The following SPATA17 variants were observed in gnomAD, a reference collection of about 807,000 sequenced individuals.
The protein encoded by SPATA17 is spermatogenesis associated 17.
A neutral mutation model predicts 62.2 loss-of-function variants in SPATA17; 53 were observed. The ratio of observed to expected loss-of-function variants is 0.85; its 90% confidence interval spans 0.68 to 1.07. The LOEUF (loss-of-function observed/expected upper bound fraction) is 1.07, where lower values mean the gene tolerates loss of function less well. Ranked by LOEUF, SPATA17 falls within the 50% of genes least tolerant of loss-of-function variation. The pLI, the probability that SPATA17 is intolerant of heterozygous loss-of-function variation, is 0.00. For synonymous variants in SPATA17, 146 were observed against 146.8 expected, an observed-to-expected ratio of 0.99 and a Z score of 0.04; for missense variants, 466 against 425.5, an observed-to-expected ratio of 1.10 and a Z score of -0.84.
chr1:217,729,226 A>G (rs570155590), intron 5 of SPATA17, among the ~76,000 whole-genome samples: 1 of 152,318 alleles, frequency 6.6e-6, no homozygotes, highest in South Asian at 2.1e-4. Context: ...CTTTTCTTAC[A>G]TGGCAATTCT....
chr1:217,758,311 C>G (rs1008053276), intron 6 of SPATA17, among the ~76,000 whole-genome samples: 1 of 152,118 alleles, frequency 6.6e-6, no homozygotes, highest in African/African-American at 2.4e-5. Flanking sequence ...TGTACAATGA[C>G]TACATGACAC....
chr1:217,805,593 G>T lies in SPATA17; in HGVS notation c.1005+3743G>T, dbSNP rs536145455. 1.6e-3 allele frequency among the ~76,000 whole-genome samples: 247 copies of T among 152,310 alleles called. 2 individuals are homozygous for T. The highest frequency in any genetic ancestry group is 2.6e-3 in the Non-Finnish European group (177 of 68,020). On this transcript the variant is annotated intron_variant, in intron 9 of 10. Transcript: ENST00000366933. ...TATGGATATGTTAATTAGCATGATT[G>T]TGGTAATCATTTCCTAATGTATATG...
At chr1:217,775,463 G>C (rs937987333) in intron 7 of SPATA17, among the ~76,000 whole-genome samples, 1 of 152,136 alleles carries the variant, frequency 6.6e-6, no homozygotes, top group African/African-American at 2.4e-5. Context: ...CCAGCACTTT[G>C]GGAGGCCAAG....
chr1:217,656,621 A>C lies in SPATA17; in HGVS notation c.240+5443A>C, dbSNP rs182355266. ...CATTGTGTACACACTGCCTAACATA[A>C]GGCATGAAACAGAATCATAGTGGAA... On this transcript the variant is annotated intron_variant, in intron 3 of 10. Transcript: ENST00000366933. Among the ~76,000 whole-genome samples the C allele has an allele frequency of 4.7e-3, 717 of 152,266 alleles. 4 individuals are homozygous for C. Among genetic ancestry groups the C allele is most frequent in the African/African-American group, 0.016 (663 of 41,548 alleles).
intron 3 of SPATA17, among the ~76,000 whole-genome samples, chr1:217,659,527 G>A (rs745322019): frequency 2.0e-5 from 3 of 151,874 alleles, no homozygotes; most frequent in Non-Finnish European, 4.4e-5. Flanking sequence ...ATGAGCAATG[G>A]TTCTGTTAAG....
At chr1:217,800,534 A>G (rs899428922) in intron 8 of SPATA17, among the ~76,000 whole-genome samples, 1 of 152,148 alleles carries the variant, frequency 6.6e-6, no homozygotes, top group Non-Finnish European at 1.5e-5. Context: ...TTATGGATAC[A>G]TGGACTGGGA....
intron 5 of SPATA17, among the ~76,000 whole-genome samples, chr1:217,724,211 C>A (rs1672204175): frequency 6.6e-6 from 1 of 152,154 alleles, no homozygotes; most frequent in African/African-American, 2.4e-5. Context: ...TATCATTAAT[C>A]TGCAAGAAAT....
intron 3 of SPATA17, among the ~76,000 whole-genome samples, chr1:217,667,921 G>T (rs1670738947): frequency 1.3e-5 from 2 of 152,128 alleles, no homozygotes; most frequent in African/African-American, 4.8e-5. Context: ...TTTCTTAATT[G>T]CTCAGACTGT....
intron 9 of SPATA17, among the ~76,000 whole-genome samples, chr1:217,855,358 G>T (rs1675757967): frequency 6.6e-6 from 1 of 152,074 alleles, no homozygotes. Flanking sequence ...ACCACTAACA[G>T]GCTACAGATC....
intron 6 of SPATA17, among the ~76,000 whole-genome samples, chr1:217,769,984 C>T (rs1156817139): frequency 6.6e-6 from 1 of 152,132 alleles, no homozygotes; most frequent in African/African-American, 2.4e-5. Flanking sequence ...TTTTATAAAT[C>T]CTCTGGCAGT....
At chr1:217,651,718 G>A (rs1244777740) in intron 3 of SPATA17, among the ~76,000 whole-genome samples, 2 of 152,100 alleles carry the variant, frequency 1.3e-5, no homozygotes, top group Non-Finnish European at 2.9e-5. Flanking sequence ...GTTTTTTATG[G>A]AAAGTTAAAT....
intron 5 of SPATA17, among the ~76,000 whole-genome samples, chr1:217,697,332 T>A (rs1671481871): frequency 6.6e-6 from 1 of 152,252 alleles, no homozygotes; most frequent in African/African-American, 2.4e-5. Flanking sequence ...TTTCATCACT[T>A]TCTTGGAATC....
At chr1:217,734,316 A>G (rs1571766977) in intron 5 of SPATA17, among the ~76,000 whole-genome samples, 1 of 152,246 alleles carries the variant, frequency 6.6e-6, no homozygotes, top group East Asian at 1.9e-4. Context: ...TTTAACTAAA[A>G]CACTTTTATG....
chr1:217,705,111 T>A (rs1216602285), intron 5 of SPATA17, among the ~76,000 whole-genome samples: 1 of 152,212 alleles, frequency 6.6e-6, no homozygotes, highest in Non-Finnish European at 1.5e-5. Flanking sequence ...TGGTGTGAGA[T>A]AGTATCTAAT....
chr1:217,718,297 C>A (rs545135436), intron 5 of SPATA17, among the ~76,000 whole-genome samples: 1 of 151,734 alleles, frequency 6.6e-6, no homozygotes, highest in African/African-American at 2.4e-5. Flanking sequence ...GGCTGCATTG[C>A]GGGAGCAGGA....
intron 6 of SPATA17, among the ~76,000 whole-genome samples, chr1:217,754,451 T>C (rs1021083788): frequency 7.2e-5 from 11 of 152,178 alleles, no homozygotes; most frequent in African/African-American, 2.4e-4. Context: ...AATGGGGCTG[T>C]AATAGTTTTG....
At chr1:217,742,182 A>G in intron 6 of SPATA17, 84 bp downstream of exon 6, 2 of 1,518,206 alleles carry the variant, frequency 1.3e-6, no homozygotes, top group African/African-American at 1.4e-5. Context: ...TGAATGGGAC[A>G]TGACTTGTTG....
At chr1:217,757,034 A>G (rs1673060968) in intron 6 of SPATA17, among the ~76,000 whole-genome samples, 1 of 152,204 alleles carries the variant, frequency 6.6e-6, no homozygotes, top group East Asian at 1.9e-4. Context: ...CTACACCCCA[A>G]ATGATAAAAC....
At chr1:217,838,211 G>T (rs1480520960) in intron 9 of SPATA17, among the ~76,000 whole-genome samples, 1 of 151,992 alleles carries the variant, frequency 6.6e-6, no homozygotes, top group Non-Finnish European at 1.5e-5. Context: ...CTATTAGACA[G>T]CACTGCTCTA....
Sources: allele counts gnomAD v4.1 joint callset (sites outside exome capture counted in the v4.1 genomes callset), GRCh38; gene constraint gnomAD v4.1.1; transcripts MANE v1.5; gene names NCBI Gene and HGNC (gene_info 2026-07-23, HGNC 2026-07-21).